ZZEF1: variants seen among roughly 807,000 people sequenced by gnomAD.
ZZEF1 encodes the protein zinc finger ZZ-type and EF-hand domain containing 1, also known as zinc finger ZZ-type and EF-hand domain-containing protein 1.
Under a neutral mutation model 342.8 loss-of-function variants are expected in ZZEF1, and 157 were observed. The observed-to-expected ratio is 0.46, with a 90% CI of 0.40 to 0.52. The LOEUF is 0.52. ZZEF1 is among the 20% of genes least tolerant of loss of function. The pLI, the probability that ZZEF1 is intolerant of heterozygous loss-of-function variation, is 0.00. For synonymous variants in ZZEF1, 1,505 were observed against 1,429.1 expected (o/e 1.05, Z -1.20); for missense variants, 3,480 against 3,725.6 (o/e 0.93, Z 1.72).
Position 4,058,071 on chromosome 17 carries a change from G to A in ZZEF1, c.5088C>T (p.Phe1696=). The A allele has an allele frequency of 4.3e-6, 7 of 1,614,146 alleles. No homozygotes were observed. The highest frequency in any genetic ancestry group is 5.9e-6 in the Non-Finnish European group (7 of 1,180,016). ...GATCTGGTAACTGAATATCAACAAAGAAGGCGAGATCATTGGGTTCCCAGC... is the reference window on the plus strand; with the variant it reads ...GATCTGGTAACTGAATATCAACAAAAAAGGCGAGATCATTGGGTTCCCAGC... ...DMGWEPNDLA[F]FVDIQLPDLL... Residue 1696 remains phenylalanine, a synonymous_variant, in exon 32 of 55, where the codon TTC becomes TTT. Transcript: ENST00000381638.
Position 4,006,622 on chromosome 17 carries a change from G to A in ZZEF1, c.*268C>T. ...CAGTGACAGCCTCTGGAGAAGGCTGGTCTCTGAACCTTCTTAAGGGCCCCC... is the reference window on the plus strand; with the variant it reads ...CAGTGACAGCCTCTGGAGAAGGCTGATCTCTGAACCTTCTTAAGGGCCCCC... On this transcript the variant is annotated 3_prime_UTR_variant, in exon 55 of 55. Coordinates refer to ENST00000381638, the MANE Select transcript of ZZEF1 (RefSeq NM_015113.4). 1 of 497,670 alleles carries A rather than the reference G, an allele frequency of 2.0e-6. No homozygotes were observed. 30.8% of individuals were successfully genotyped at this position (497,670 alleles called of 1,614,324 possible).
intron 5 of ZZEF1, 45 bp downstream of exon 5, chr17:4,112,564 C>T (rs775916257): frequency 6.3e-7 from 1 of 1,597,602 alleles, no homozygotes; most frequent in South Asian, 1.1e-5. Flanking sequence ...GTAAAAAATA[C>T]TACTCCCTTG....
chr17:4,121,465 A>C (rs1477592651), intron 2 of ZZEF1, among the ~76,000 whole-genome samples: 3 of 152,098 alleles, frequency 2.0e-5, no homozygotes, highest in African/African-American at 7.2e-5. Flanking sequence ...ATCTCTACTA[A>C]AAACATAAAA....
intron 2 of ZZEF1, among the ~76,000 whole-genome samples, chr17:4,117,759 T>G (rs150055571): frequency 1.5e-3 from 231 of 152,198 alleles, no homozygotes; most frequent in African/African-American, 5.2e-3. Context: ...GTATAAGCAC[T>G]TAAACACTAA....
rs1332187002 is a variant in ZZEF1, at chr17:4,005,194, T to G, written c.*1696A>C. 2 of 152,300 alleles carry G rather than the reference T, an allele frequency of 1.3e-5. No individual in the cohort carries two copies. The highest frequency in any genetic ancestry group is 2.9e-5 in the Non-Finnish European group (2 of 68,114). The allele number at this position is 152,300 out of a possible 1,614,324, so 9.4% of individuals were successfully genotyped here. On this transcript the variant is annotated 3_prime_UTR_variant, in exon 55 of 55. Coordinates refer to ENST00000381638, the MANE Select transcript of ZZEF1 (RefSeq NM_015113.4). ...TTGGGAAACTCCTTACTGGGAGGCC[T>G]CCTCGGGTCTGAGGGATGAAGAAGG...
At chr17:4,141,907 G>C (rs981521528) in intron 1 of ZZEF1, among the ~76,000 whole-genome samples, 2 of 152,136 alleles carry the variant, frequency 1.3e-5, no homozygotes, top group African/African-American at 4.8e-5. Flanking sequence ...ACATGATCTT[G>C]GTGATTATAT....
chr17:4,042,621 G>A, intron 38 of ZZEF1, 53 bp from the exon 39 acceptor site: 1 of 1,583,372 alleles, frequency 6.3e-7, no homozygotes, highest in Non-Finnish European at 8.6e-7. Context: ...CATGTATGAA[G>A]AGGCAAGTAA....
At chr17:4,025,764 C>A (rs1319282649) in intron 42 of ZZEF1, among the ~76,000 whole-genome samples, 1 of 152,006 alleles carries the variant, frequency 6.6e-6, no homozygotes, top group African/African-American at 2.4e-5. Context: ...TACTCTCCCA[C>A]CTTAAACAAC....
chr17:4,010,720 G>A (rs1307517380), intron 52 of ZZEF1, among the ~76,000 whole-genome samples: 5 of 804 alleles, frequency 6.2e-3, no homozygotes, highest in Admixed American at 0.017. Context: ...GTGAGATTCC[G>A]TCTCAAAAAA....
chr17:4,017,321 G>T lies in ZZEF1; in HGVS notation c.8001+50C>A. 6.5e-7 allele frequency: 1 copy of T among 1,541,470 alleles called. No homozygotes were observed. On this transcript the variant is annotated intron_variant, in intron 48 of 54. Coordinates refer to ENST00000381638, the MANE Select transcript of ZZEF1 (RefSeq NM_015113.4). This position sits in a 1 kb window ranked among gnomAD's most constrained non-coding sequence, Gnocchi z 5.1. ...AGCACTCACTGGAGGAAGCCTGTGG[G>T]GCAGAGGAAGAACCTGGTGGGTGAG...
At chr17:4,115,020 CT>C (rs1357454497) in intron 3 of ZZEF1, among the ~76,000 whole-genome samples, 2 of 151,670 alleles carry the variant, frequency 1.3e-5, no homozygotes, top group Non-Finnish European at 2.9e-5. Flanking sequence ...AACCCACGTG[CT>C]TTTTTTTGTT....
Position 4,075,316 on chromosome 17 carries a change from T to A in ZZEF1, c.3348A>T (p.Pro1116=). 1 of 1,614,240 alleles carries A rather than the reference T, an allele frequency of 6.2e-7. No individual in the cohort carries two copies. The highest frequency in any genetic ancestry group is 8.5e-7 in the Non-Finnish European group (1 of 1,180,028). ...NCHEVSVFVS[P]GATYFEVEFD... ...ATTCCACTTCAAAATAGGTTGCCCC[T>A]GGGCTAACAAAGACGGATACCTCAT... The change falls in exon 22 of 55, where the codon CCA becomes CCT. Residue 1116 remains proline (P), a synonymous_variant. Coordinates refer to ENST00000381638, the MANE Select transcript of ZZEF1 (RefSeq NM_015113.4).
chr17:4,022,678 A>T lies in ZZEF1; in HGVS notation c.7212+31T>A, dbSNP rs949706652. ...CTAGGCCAGCACATCTGCACCAGGA[A>T]AGAGGAGCAGGAGTCCCTCTCGTCT... is the stretch of plus-strand genomic sequence containing the variant. On this transcript the variant is annotated intron_variant, in intron 44 of 54. Transcript: ENST00000381638. 6 of 1,612,922 alleles carry T rather than the reference A, an allele frequency of 3.7e-6. No homozygotes were observed. In the African/African-American group the frequency reaches 8.0e-5, roughly 22 times the overall value.
chr17:4,130,555 G>A (rs1026032339), intron 1 of ZZEF1, among the ~76,000 whole-genome samples: 1 of 152,132 alleles, frequency 6.6e-6, no homozygotes, highest in Non-Finnish European at 1.5e-5. Flanking sequence ...AGAGACCGAA[G>A]TGCCCATGAA....
chr17:4,137,143 CT>C lies in ZZEF1; in HGVS notation c.354+5398del, dbSNP rs372345688. Among the ~76,000 whole-genome samples the C allele has an allele frequency of 3.5e-3, 538 of 152,236 alleles. 3 individuals carry two copies. Among genetic ancestry groups the C allele is most frequent in the African/African-American group, 0.012 (513 of 41,528 alleles). On this transcript the variant is annotated intron_variant, in intron 1 of 54. Coordinates refer to ENST00000381638, the MANE Select transcript of ZZEF1 (RefSeq NM_015113.4). ...TGATTCTGAAGGCAATGGGGAGCCA[CT>C]GAAGTTTCTAAAGCAAGGCAGTACC...
chr17:4,051,067 A>G, intron 35 of ZZEF1, 24 bp from the exon 36 acceptor site: 2 of 1,613,980 alleles, frequency 1.2e-6, no homozygotes, highest in Non-Finnish European at 1.7e-6. Context: ...ACACATTTAA[A>G]GCTTACAACC....
At chr17:4,032,758 C>G (rs2056576445) in intron 41 of ZZEF1, 70 bp downstream of exon 41, 1 of 1,527,086 alleles carries the variant, frequency 6.5e-7, no homozygotes, top group Non-Finnish European at 9.0e-7. Flanking sequence ...CCGGAAGCCA[C>G]AGAGGCTTTG....
At chr17:4,113,475 G>C (rs2058346553) in intron 4 of ZZEF1, among the ~76,000 whole-genome samples, 1 of 152,128 alleles carries the variant, frequency 6.6e-6, no homozygotes, top group African/African-American at 2.4e-5. Context: ...AGACCAGCCT[G>C]CCAACATGGT....
intron 30 of ZZEF1, among the ~76,000 whole-genome samples, chr17:4,060,444 G>A (rs932219516): frequency 1.3e-5 from 2 of 152,018 alleles, no homozygotes; most frequent in African/African-American, 4.8e-5. Context: ...ACACACTTAG[G>A]AGGCCAAGGC....
Sources: gnomAD v4.1 joint callset for allele counts (sites outside exome capture counted in the v4.1 genomes callset) on GRCh38, gnomAD v4.1.1 for gene constraint, Gnocchi (gnomAD v3.1) non-coding constraint, MANE v1.5 for transcripts, NCBI Gene and HGNC (gene_info 2026-07-23, HGNC 2026-07-21) for gene names.